INSL6: variants seen among roughly 807,000 people sequenced by gnomAD.
The protein encoded by INSL6 is insulin like 6.
A neutral mutation model predicts 9.4 loss-of-function variants in INSL6; 16 were observed. The observed-to-expected ratio is 1.70, with a 90% CI of 1.15 to 2.59. The LOEUF (loss-of-function observed/expected upper bound fraction) is 2.59. INSL6 is among the 30% of genes most tolerant of loss of function. INSL6 has a pLI of 0.00. For missense variants in INSL6, 391 were observed against 257.3 expected, an observed-to-expected ratio of 1.52 and a Z score of -3.56; for synonymous variants, 154 against 96.9, an observed-to-expected ratio of 1.59 and a Z score of -3.46.
the INSL6 span, chr9:5,080,722 T>C: frequency 3.5e-6 from 5 of 1,442,382 alleles, no homozygotes; most frequent in Non-Finnish European, 4.7e-6. Context: ...TCCAGCTTTC[T>C]ATCTTTATTG....
chr9:5,167,999 G>A (rs908377183), intron 1 of INSL6, among the ~76,000 whole-genome samples: 4 of 152,096 alleles, frequency 2.6e-5, no homozygotes, highest in Admixed American at 6.5e-5. Flanking sequence ...TGGCCCTACT[G>A]CTAAAATAAA....
chr9:5,091,766 G>A, the INSL6 span, among the ~76,000 whole-genome samples: 2 of 152,096 alleles, frequency 1.3e-5, no homozygotes, highest in African/African-American at 4.8e-5. Context: ...TTAAGTCGGG[G>A]GGCTGAATGG....
the INSL6 span, chr9:5,085,125 A>T: frequency 1.5e-6 from 1 of 650,096 alleles, no homozygotes; most frequent in East Asian, 3.6e-5. Context: ...TTTGTTTTAC[A>T]CCATCACTCT....
At chr9:5,014,232 G>T in the INSL6 span, among the ~76,000 whole-genome samples, 3 of 139,974 alleles carry the variant, frequency 2.1e-5, no homozygotes, top group African/African-American at 8.1e-5. Context: ...TTGAACTCCT[G>T]AGCTAAAGTG....
At chr9:5,146,946 A>C (rs1254772226) in intron 2 of INSL6, among the ~76,000 whole-genome samples, 1 of 152,136 alleles carries the variant, frequency 6.6e-6, no homozygotes, top group Non-Finnish European at 1.5e-5. Flanking sequence ...ATGGGGCCCC[A>C]GGAAAGGCCA....
At chr9:5,129,148 A>G (rs1308186839) in intron 3 of INSL6, among the ~76,000 whole-genome samples, 1 of 152,090 alleles carries the variant, frequency 6.6e-6, no homozygotes, top group African/African-American at 2.4e-5. Flanking sequence ...GCTACAAAAG[A>G]GTTAGCAAAT....
intron 2 of INSL6, among the ~76,000 whole-genome samples, chr9:5,143,996 T>C (rs1824552462): frequency 6.6e-6 from 1 of 152,194 alleles, no homozygotes; most frequent in African/African-American, 2.4e-5. Flanking sequence ...CCTGTCTGTA[T>C]CTCCTTCAGT....
At chr9:5,050,324 C>G in the INSL6 span, among the ~76,000 whole-genome samples, 5 of 152,124 alleles carry the variant, frequency 3.3e-5, no homozygotes, top group African/African-American at 9.7e-5. Context: ...GAGACTGGGT[C>G]TTGGTCTGTT....
At chr9:5,139,704 G>A (rs1432340329) in intron 2 of INSL6, among the ~76,000 whole-genome samples, 1 of 152,190 alleles carries the variant, frequency 6.6e-6, no homozygotes, top group African/African-American at 2.4e-5. Context: ...AAAGAGGTTA[G>A]CTTGACTTGC....
At chr9:5,175,568 C>A (rs1190191985) in intron 1 of INSL6, among the ~76,000 whole-genome samples, 1 of 152,162 alleles carries the variant, frequency 6.6e-6, no homozygotes, top group Non-Finnish European at 1.5e-5. Context: ...CTGTTAGGAA[C>A]CAGGCCACAT....
the INSL6 span, chr9:5,112,658 A>AT: frequency 1.0e-6 from 1 of 972,928 alleles, no homozygotes; most frequent in South Asian, 2.6e-5. Context: ...CAAACTCCTT[A>AT]TCCTGCACCA....
chr9:5,164,899 T>C (rs927668654), intron 1 of INSL6, among the ~76,000 whole-genome samples: 4 of 152,222 alleles, frequency 2.6e-5, no homozygotes, highest in Non-Finnish European at 5.9e-5. Flanking sequence ...TGGTTTCCAC[T>C]TTTTGGTCAT....
chr9:5,161,835 T>TG (rs1408948117), downstream of INSL6, among the ~76,000 whole-genome samples: 1 of 152,052 alleles, frequency 6.6e-6, no homozygotes, highest in Admixed American at 6.5e-5. Flanking sequence ...AACCCAGCAC[T>TG]TTGGGAGGCC....
downstream of INSL6, among the ~76,000 whole-genome samples, chr9:5,119,795 TAATG>T (rs751066762): frequency 5.3e-5 from 8 of 152,184 alleles, 1 homozygote; most frequent in Non-Finnish European, 1.2e-4. Context: ...CATATGTACT[TAATG>T]AACACAAAAA....
chr9:5,012,430 ACTCT>A, the INSL6 span, among the ~76,000 whole-genome samples: 1 of 152,008 alleles, frequency 6.6e-6, no homozygotes. Flanking sequence ...AGTATAAACT[ACTCT>A]CTCATTATCA....
intron 2 of INSL6, among the ~76,000 whole-genome samples, chr9:5,143,835 T>C (rs1824549370): frequency 6.6e-6 from 1 of 151,870 alleles, no homozygotes; most frequent in South Asian, 2.1e-4. Context: ...AATTTTTGTA[T>C]TTGTAGTAGA....
chr9:5,163,747 A>G (rs932499887), downstream of INSL6: 3 of 585,176 alleles, frequency 5.1e-6, no homozygotes, highest in African/African-American at 1.9e-5. Flanking sequence ...CAGGGTCACC[A>G]AAGAAAATAC....
At chr9:5,045,683 A>G in the INSL6 span, among the ~76,000 whole-genome samples, 1 of 152,006 alleles carries the variant, frequency 6.6e-6, no homozygotes, top group Non-Finnish European at 1.5e-5. Flanking sequence ...TCCTTTTTTG[A>G]CTGGCTTATT....
the INSL6 span, among the ~76,000 whole-genome samples, chr9:5,083,627 A>G: frequency 4.2e-3 from 643 of 152,216 alleles, 4 homozygotes; most frequent in African/African-American, 0.015. Context: ...AGATCCCAAT[A>G]GATTACTAGG....
Sources: allele counts gnomAD v4.1 joint callset (sites outside exome capture counted in the v4.1 genomes callset), GRCh38; gene constraint gnomAD v4.1.1; transcripts MANE v1.5; gene names NCBI Gene and HGNC (gene_info 2026-07-23, HGNC 2026-07-21).